Variants in RERE observed in about 807,000 individuals in gnomAD.
RERE encodes arginine-glutamic acid dipeptide repeats.
RERE carries 40 observed loss-of-function variants against 146.1 expected under a neutral mutation model. The observed-to-expected ratio is 0.27, with a 90% CI of 0.21 to 0.36. The LOEUF (loss-of-function observed/expected upper bound fraction) is 0.36, where lower values mean the gene tolerates loss of function less well. Among genes scored for constraint, RERE ranks in the 10% least tolerant of loss-of-function variants. The probability of loss-of-function intolerance (pLI) is 1.00; values close to 1 mark genes in which losing one functional copy is unlikely to be tolerated. For synonymous variants in RERE, 1,003 were observed against 866.0 expected, an observed-to-expected ratio of 1.16 and a Z score of -2.78; for missense variants, 1,933 against 2,138.7, an observed-to-expected ratio of 0.90 and a Z score of 1.90.
At chr1:8,455,572 G>C (rs1644444731) in intron 11 of RERE, among the ~76,000 whole-genome samples, 1 of 152,150 alleles carries the variant, frequency 6.6e-6, no homozygotes, top group Non-Finnish European at 1.5e-5. Flanking sequence ...AAGCTACTGA[G>C]AGGAAAAGAA....
chr1:8,359,275 C>G (rs1314986699), intron 19 of RERE, among the ~76,000 whole-genome samples: 1 of 152,212 alleles, frequency 6.6e-6, no homozygotes, highest in Non-Finnish European at 1.5e-5. Flanking sequence ...CATGCCACTT[C>G]CTGGGTTGGC....
At chr1:8,571,035 T>C (rs1176709372) in intron 4 of RERE, among the ~76,000 whole-genome samples, 1 of 152,208 alleles carries the variant, frequency 6.6e-6, no homozygotes, top group Non-Finnish European at 1.5e-5. Flanking sequence ...TAAAGCTTGA[T>C]TCAAACAAGT....
chr1:8,473,371 G>A (rs1327524341), intron 10 of RERE, among the ~76,000 whole-genome samples: 1 of 152,206 alleles, frequency 6.6e-6, no homozygotes, highest in Non-Finnish European at 1.5e-5. Context: ...AACTCTGCCT[G>A]CTAGCAATGG....
chr1:8,512,684 A>C (rs1645357521), intron 7 of RERE: 2 of 152,270 alleles, frequency 1.3e-5, no homozygotes, highest in Non-Finnish European at 2.9e-5. Flanking sequence ...TTCTTCCACG[A>C]ATCGGCCAAG....
At chr1:8,715,023 G>A (rs1210354668) in intron 1 of RERE, among the ~76,000 whole-genome samples, 5 of 151,582 alleles carry the variant, frequency 3.3e-5, no homozygotes, top group African/African-American at 4.8e-5. Context: ...ACAGGCGTGC[G>A]CTACCACGCC....
intron 1 of RERE, among the ~76,000 whole-genome samples, chr1:8,724,934 CT>C (rs1382214584): frequency 6.9e-6 from 1 of 144,780 alleles, no homozygotes; most frequent in Non-Finnish European, 1.5e-5. Flanking sequence ...TAACTTTCTA[CT>C]TTTTTCGTTA....
chr1:8,372,543 T>TGTGTGTGTGTGTGTG (rs6143112), intron 12 of RERE, among the ~76,000 whole-genome samples: 68 of 150,672 alleles, frequency 4.5e-4, no homozygotes, highest in South Asian at 1.1e-3. Context: ...TGTGTGTGTG[T>TGTGTGTGTGTGTGTG]TTTAAATTAA....
rs370210571 is a variant in RERE, at chr1:8,355,403, C to T, written c.4667+16G>A. 1.2e-6 allele frequency: 2 copies of T among 1,610,898 alleles called. No homozygotes were observed. Among genetic ancestry groups the T allele is most frequent in the Non-Finnish European group, 1.7e-6 (2 of 1,179,614 alleles). On this transcript the variant is annotated intron_variant, in intron 22 of 22. Coordinates refer to ENST00000400908, the MANE Select transcript of RERE (RefSeq NM_001042681.2). Reference sequence around the variant, plus strand: ...CTCAGATAACCCCTCCACTCCCTCCCAGCACCCCACCTCACCTGTAATAAT... The same window carrying T: ...CTCAGATAACCCCTCCACTCCCTCCTAGCACCCCACCTCACCTGTAATAAT...
At chr1:8,716,104 CA>C (rs904422416) in intron 1 of RERE, among the ~76,000 whole-genome samples, 1 of 151,232 alleles carries the variant, frequency 6.6e-6, no homozygotes, top group African/African-American at 2.4e-5. Context: ...GTGATCAAGC[CA>C]CTGCACTCCT....
chr1:8,546,526 T>C (rs910452514), intron 6 of RERE, among the ~76,000 whole-genome samples: 1 of 152,062 alleles, frequency 6.6e-6, no homozygotes, highest in Non-Finnish European at 1.5e-5. Flanking sequence ...TCAATGTGTA[T>C]TCTTTATTAT....
intron 1 of RERE, among the ~76,000 whole-genome samples, chr1:8,756,656 AC>A (rs1640644359): frequency 6.6e-6 from 1 of 152,224 alleles, no homozygotes; most frequent in Non-Finnish European, 1.5e-5. Context: ...GCTTTGCTGT[AC>A]TACTATATCT....
chr1:8,391,193 G>A (rs181255875), intron 12 of RERE, among the ~76,000 whole-genome samples: 35 of 152,324 alleles, frequency 2.3e-4, no homozygotes, highest in African/African-American at 8.4e-4. Flanking sequence ...CTAGCAAGGT[G>A]TTCAACAGCA....
chr1:8,514,775 A>C (rs574573773), intron 7 of RERE, among the ~76,000 whole-genome samples: 3 of 152,142 alleles, frequency 2.0e-5, no homozygotes, highest in East Asian at 3.9e-4. Context: ...CAAGACAAGA[A>C]AAGAAAAGAG....
At position 8,393,170 on chromosome 1, in the gene RERE, T is replaced by A. The variant is rs1340392494; in HGVS notation, c.1285-27196A>T. On this transcript the variant is annotated intron_variant, in intron 12 of 22. Coordinates refer to ENST00000400908, the MANE Select transcript of RERE (RefSeq NM_001042681.2). Reference sequence around the variant, plus strand: ...AAGGAGGCTACTTTGCCAGAAACTGTCCTACACTTTATAGTACTTGATCTT... The same window carrying A: ...AAGGAGGCTACTTTGCCAGAAACTGACCTACACTTTATAGTACTTGATCTT... Among the ~76,000 whole-genome samples, 3 of 152,226 alleles carry A rather than the reference T, an allele frequency of 2.0e-5. No individual in the cohort carries two copies. In the South Asian group the frequency reaches 6.2e-4, roughly 32 times the overall value.
chr1:8,795,320 G>A (rs924510934), intron 1 of RERE, among the ~76,000 whole-genome samples: 9 of 151,468 alleles, frequency 5.9e-5, no homozygotes, highest in Admixed American at 2.6e-4. Flanking sequence ...CACCGCCCCC[G>A]GCCCCCCACT....
At position 8,554,789 on chromosome 1, in the gene RERE, T is replaced by C. The variant is rs201350705; in HGVS notation, c.725+1686A>G. 2.6e-5 allele frequency among the ~76,000 whole-genome samples: 4 copies of C among 151,832 alleles called. No homozygotes were observed. The East Asian group carries it at 5.8e-4, about 22-fold the overall frequency. ...GTCCCAGGTAACAATATTCCAGGAT[T>C]AAGTCACCGGTCCCAGCTAACAATA... On this transcript the variant is annotated intron_variant, in intron 6 of 22. Transcript: ENST00000400908.
intron 7 of RERE, among the ~76,000 whole-genome samples, chr1:8,527,157 C>T (rs1570393127): frequency 6.6e-6 from 1 of 152,164 alleles, no homozygotes. Flanking sequence ...AACTATGATT[C>T]AATAAACTCT....
intron 11 of RERE, chr1:8,424,288 C>G (rs1019765571): frequency 3.9e-5 from 6 of 152,296 alleles, no homozygotes; most frequent in African/African-American, 1.4e-4. Context: ...CGGAAGCTTC[C>G]CAGCCAATAA....
chr1:8,695,883 A>G (rs1204561192), intron 1 of RERE, among the ~76,000 whole-genome samples: 2 of 152,320 alleles, frequency 1.3e-5, no homozygotes, highest in Admixed American at 6.5e-5. Flanking sequence ...CAATACAACA[A>G]GCAGAAAACA....
Sources: gnomAD v4.1 joint callset for allele counts (sites outside exome capture counted in the v4.1 genomes callset) on GRCh38, gnomAD v4.1.1 for gene constraint, MANE v1.5 for transcripts, NCBI Gene and HGNC (gene_info 2026-07-23, HGNC 2026-07-21) for gene names.